EPS15: variants seen among roughly 807,000 people sequenced by gnomAD.
The protein encoded by EPS15 is epidermal growth factor receptor pathway substrate 15, also known as epidermal growth factor receptor substrate 15.
A neutral mutation model predicts 113.8 loss-of-function variants in EPS15; 72 were observed. The observed-to-expected ratio is 0.63, with a 90% confidence interval of 0.52 to 0.77. The LOEUF (loss-of-function observed/expected upper bound fraction) is 0.77. Ranked by LOEUF, EPS15 falls within the 30% of genes least tolerant of loss-of-function variation. The pLI, the probability that EPS15 is intolerant of heterozygous loss-of-function variation, is 0.00. For missense variants in EPS15, 1,048 were observed against 1,045.8 expected (o/e 1.00, Z -0.03); for synonymous variants, 344 against 363.4 (o/e 0.95, Z 0.61).
At chr1:51,444,125 T>C (rs1027549909) in intron 11 of EPS15, among the ~76,000 whole-genome samples, 3 of 152,326 alleles carry the variant, frequency 2.0e-5, no homozygotes, top group African/African-American at 7.2e-5. Context: ...GGTTATACTT[T>C]ATAGGCCATA....
chr1:51,452,812 C>T (rs775830187), intron 8 of EPS15, among the ~76,000 whole-genome samples: 1 of 152,166 alleles, frequency 6.6e-6, no homozygotes, highest in Non-Finnish European at 1.5e-5. Context: ...TAAACCTTAA[C>T]CCATTGGTAC....
intron 13 of EPS15, among the ~76,000 whole-genome samples, chr1:51,410,832 T>C (rs190379054): frequency 6.6e-6 from 1 of 152,372 alleles, no homozygotes; most frequent in Non-Finnish European, 1.5e-5. Flanking sequence ...ACCATTATGA[T>C]AATAGCCAAC....
intron 1 of EPS15, among the ~76,000 whole-genome samples, chr1:51,509,562 A>C (rs535656270): frequency 6.6e-6 from 1 of 152,298 alleles, no homozygotes; most frequent in South Asian, 2.1e-4. Context: ...TCTCTGATAC[A>C]TTTTATCTTT....
At chr1:51,425,181 A>C (rs181165717) in intron 12 of EPS15, among the ~76,000 whole-genome samples, 1 of 152,242 alleles carries the variant, frequency 6.6e-6, no homozygotes, top group African/African-American at 2.4e-5. Flanking sequence ...TTCTGATTCC[A>C]TGGAGCGGTG....
chr1:51,357,658 A>AG (rs1244848493), intron 24 of EPS15, among the ~76,000 whole-genome samples: 49 of 148,970 alleles, frequency 3.3e-4, no homozygotes, highest in Non-Finnish European at 5.8e-4. Context: ...CTAAGAAGCA[A>AG]GAAAAAAAAA....
rs188440318 is a variant in EPS15, at chr1:51,501,765, G to A, written c.33+17434C>T. ...AAGTGCTGGGATTACAGGTGAGAGC[G>A]GCTGCACCCTGCCACATTATTAATT... is the stretch of plus-strand genomic sequence containing the variant. On this transcript the variant is annotated intron_variant, in intron 1 of 24. Transcript: ENST00000371733. Among the ~76,000 whole-genome samples the A allele has an allele frequency of 2.7e-3, 411 of 151,984 alleles. 2 individuals are homozygous for A. The highest frequency in any genetic ancestry group is 4.6e-3 in the Non-Finnish European group (314 of 67,964).
intron 21 of EPS15, among the ~76,000 whole-genome samples, chr1:51,370,579 T>G (rs1351472101): frequency 6.6e-6 from 1 of 152,050 alleles, no homozygotes; most frequent in African/African-American, 2.4e-5. Context: ...TTTACTATAC[T>G]ATAGTTTTTA....
At chr1:51,357,427 T>TATATATATATATATA (rs57828043) in intron 24 of EPS15, among the ~76,000 whole-genome samples, 7 of 44,620 alleles carry the variant, frequency 1.6e-4, no homozygotes, top group African/African-American at 8.8e-4. Context: ...TATATATATA[T>TATATATATATATATA]TTTTTTTTTT....
In EPS15 at chr1:51,421,844, A is replaced by G; in HGVS notation, c.1055T>C (p.Val352Ala). The G allele has an allele frequency of 6.2e-7, 1 of 1,611,572 alleles. No individual in the cohort carries two copies. Among genetic ancestry groups the G allele is most frequent in the Non-Finnish European group, 8.5e-7 (1 of 1,178,476 alleles). ...IVDLQREKNN[V>A]EQDLKEKEDT... Reference sequence around the variant, plus strand: ...TTCCTTCTCCTTAAGGTCCTGTTCCACATTATTCTTTTCCCTAGAAGACCA... The same window carrying G: ...TTCCTTCTCCTTAAGGTCCTGTTCCGCATTATTCTTTTCCCTAGAAGACCA... The change falls in exon 13 of 25, where the codon GTG (valine) becomes GCG (alanine). Residue 352 changes from valine to alanine, a missense_variant. By Grantham distance (64) the Val-to-Ala change is moderately conservative (BLOSUM62 0). Coordinates refer to ENST00000371733, the MANE Select transcript of EPS15 (RefSeq NM_001981.3).
intron 6 of EPS15, among the ~76,000 whole-genome samples, chr1:51,464,398 C>G (rs969051300): frequency 3.9e-5 from 6 of 152,118 alleles, no homozygotes; most frequent in Non-Finnish European, 7.4e-5. Flanking sequence ...TGCCACCACA[C>G]CCAGCTAATT....
chr1:51,404,685 C>A (rs937772006), intron 16 of EPS15, among the ~76,000 whole-genome samples: 44 of 152,170 alleles, frequency 2.9e-4, no homozygotes, highest in African/African-American at 1.0e-3. Flanking sequence ...TAGGATAAAT[C>A]CCCCAATGCT....
In EPS15 at chr1:51,517,874, A is replaced by C. The variant is rs149605834; in HGVS notation, c.33+1325T>G. Among the ~76,000 whole-genome samples the C allele has an allele frequency of 2.6e-4, 40 of 152,266 alleles. No individual in the cohort carries two copies. In the East Asian group the frequency reaches 7.7e-3, roughly 29 times the overall value. On this transcript the variant is annotated intron_variant, in intron 1 of 24. Coordinates refer to ENST00000371733, the MANE Select transcript of EPS15 (RefSeq NM_001981.3). ...TGTACGTGACTCCTGGTTTCTGAGA[A>C]AACATTTTTTTCTCTCTATCCTACA...
At chr1:51,457,218 C>T (rs1409674632) in intron 8 of EPS15, among the ~76,000 whole-genome samples, 1 of 152,082 alleles carries the variant, frequency 6.6e-6, no homozygotes, top group East Asian at 1.9e-4. Context: ...ACCCAGGAGG[C>T]GGAGCTTGCA....
chr1:51,443,326 AGGT>A (rs1341116851), intron 11 of EPS15, among the ~76,000 whole-genome samples: 13 of 152,086 alleles, frequency 8.5e-5, no homozygotes, highest in African/African-American at 3.1e-4. Context: ...CAGTCTGCAT[AGGT>A]GAAAGAAAGC....
Position 51,433,003 on chromosome 1 carries a change from C to G in EPS15, c.1040+7344G>C, listed in dbSNP as rs970092857. Among the ~76,000 whole-genome samples the G allele has an allele frequency of 2.4e-4, 36 of 152,238 alleles. 1 individual carries two copies. The highest frequency in any genetic ancestry group is 4.4e-4 in the Non-Finnish European group (30 of 67,998). On this transcript the variant is annotated intron_variant, in intron 12 of 24. Transcript: ENST00000371733. ...CAGATTTGATAATATAAGCAATGAA[C>G]TCTCCAGACATAATGGTTTCTAATG...
chr1:51,515,357 C>A (rs1428117773), intron 1 of EPS15, among the ~76,000 whole-genome samples: 1 of 151,884 alleles, frequency 6.6e-6, no homozygotes, highest in Non-Finnish European at 1.5e-5. Context: ...CTTGTAGTCC[C>A]AGCTACTCAG....
intron 13 of EPS15, among the ~76,000 whole-genome samples, chr1:51,413,445 C>T (rs1399885170): frequency 6.6e-6 from 1 of 152,202 alleles, no homozygotes; most frequent in Non-Finnish European, 1.5e-5. Flanking sequence ...TAAGCAATTA[C>T]TGTAACTATC....
intron 24 of EPS15, among the ~76,000 whole-genome samples, chr1:51,357,391 A>AAATATATATAT (rs1491245303): frequency 1.5e-5 from 1 of 65,732 alleles, no homozygotes; most frequent in African/African-American, 7.0e-5. Context: ...AAAAAAAAAA[A>AAATATATATAT]ATATATATAT....
At chr1:51,429,277 A>C (rs1651492994) in intron 12 of EPS15, among the ~76,000 whole-genome samples, 1 of 152,172 alleles carries the variant, frequency 6.6e-6, no homozygotes, top group African/African-American at 2.4e-5. Flanking sequence ...ATAACTACAC[A>C]ATTACTGTGA....
Sources: allele counts gnomAD v4.1 joint callset (sites outside exome capture counted in the v4.1 genomes callset), GRCh38; gene constraint gnomAD v4.1.1; transcripts MANE v1.5; gene names NCBI Gene and HGNC (gene_info 2026-07-23, HGNC 2026-07-21).